The following HOMER1 variants were observed in gnomAD, a reference collection of about 807,000 sequenced individuals.
HOMER1 encodes the protein homer scaffold protein 1, also known as homer protein homolog 1.
Under a neutral mutation model 48.9 loss-of-function variants are expected in HOMER1, and 3 were observed. The observed-to-expected ratio is 0.06, with a 90% CI of 0.03 to 0.16. HOMER1 has a LOEUF of 0.16. Ranked by LOEUF, HOMER1 falls within the 10% of genes least tolerant of loss-of-function variation. HOMER1 has a pLI of 1.00. For synonymous variants in HOMER1, 134 were observed against 146.4 expected (o/e 0.92, Z 0.61); for missense variants, 247 against 411.4 (o/e 0.60, Z 3.46).
At chr5:79,411,128 C>T (rs907554389) in intron 5 of HOMER1, among the ~76,000 whole-genome samples, 1 of 152,148 alleles carries the variant, frequency 6.6e-6, no homozygotes, top group Non-Finnish European at 1.5e-5. Flanking sequence ...GAGTTCAAAA[C>T]ACTTCAAAAA....
At position 79,512,674 on chromosome 5, in the gene HOMER1, AGTTT is replaced by A. The variant is rs1199005616; in HGVS notation, c.5+92_5+95del. On this transcript the variant is annotated intron_variant, in intron 1 of 8. Coordinates refer to ENST00000334082, the MANE Select transcript of HOMER1 (RefSeq NM_004272.5). ...GTATGACCAGCTTAGCAAGGTGGCA[AGTTT>A]GTTTGAAAACACAAAACACAATCAC... 4 of 1,185,252 alleles carry A rather than the reference AGTTT, an allele frequency of 3.4e-6. No individual in the cohort carries two copies. In the African/African-American group the frequency reaches 4.6e-5, roughly 14 times the overall value. The allele number at this position is 1,185,252 out of a possible 1,614,324, so 73.4% of individuals were successfully genotyped here.
At position 79,463,859 on chromosome 5, in the gene HOMER1, T is replaced by A. The variant is rs114032121; in HGVS notation, c.6-6841A>T. ...AAGGTAAATGTGGAACTGGCAAAAA[T>A]TCACCACTAGTTGACTTTCTGCAAT... is the stretch of plus-strand genomic sequence containing the variant. On this transcript the variant is annotated intron_variant, in intron 1 of 8. Coordinates refer to ENST00000334082, the MANE Select transcript of HOMER1 (RefSeq NM_004272.5). Among the ~76,000 whole-genome samples, 595 of 152,228 alleles carry A rather than the reference T, an allele frequency of 3.9e-3. 3 individuals are homozygous for A. Among genetic ancestry groups the A allele is most frequent in the African/African-American group, 0.013 (551 of 41,540 alleles).
chr5:79,492,111 A>G (rs765329779), intron 1 of HOMER1, among the ~76,000 whole-genome samples: 1 of 152,212 alleles, frequency 6.6e-6, no homozygotes, highest in Admixed American at 6.5e-5. Context: ...AACAATATAG[A>G]GCTTGATAAT....
intron 1 of HOMER1, among the ~76,000 whole-genome samples, chr5:79,503,946 CA>C (rs1001598455): frequency 9.2e-5 from 14 of 152,124 alleles, no homozygotes; most frequent in African/African-American, 2.7e-4. Flanking sequence ...CTGTGTTGTT[CA>C]AGGGCATCTG....
chr5:79,512,401 T>C (rs1752967671), intron 1 of HOMER1, among the ~76,000 whole-genome samples: 1 of 152,316 alleles, frequency 6.6e-6, no homozygotes, highest in South Asian at 2.1e-4. Context: ...TATCTAAAAG[T>C]ACTGAGAGAA....
intron 1 of HOMER1, among the ~76,000 whole-genome samples, chr5:79,495,073 ATATT>A (rs2112364078): frequency 6.6e-6 from 1 of 152,238 alleles, no homozygotes; most frequent in African/African-American, 2.4e-5. Context: ...ATATCTATAT[ATATT>A]AACACAAAGA....
At chr5:79,510,248 T>C (rs1752901290) in intron 1 of HOMER1, among the ~76,000 whole-genome samples, 2 of 151,976 alleles carry the variant, frequency 1.3e-5, no homozygotes, top group Admixed American at 6.6e-5. Context: ...TCAGTCCATA[T>C]ATAGAACTTT....
At chr5:79,395,127 G>A (rs1217891062) in intron 8 of HOMER1, among the ~76,000 whole-genome samples, 1 of 152,140 alleles carries the variant, frequency 6.6e-6, no homozygotes, top group Non-Finnish European at 1.5e-5. Flanking sequence ...CCTTTGAACT[G>A]CTGTCTTCTC....
intron 1 of HOMER1, among the ~76,000 whole-genome samples, chr5:79,471,372 CCGTCT>C (rs2112325378): frequency 6.6e-6 from 1 of 151,876 alleles, no homozygotes; most frequent in African/African-American, 2.4e-5. Flanking sequence ...TGGTGAAACC[CCGTCT>C]CTACTAAAAA....
chr5:79,402,444 C>T (rs1328779423), intron 5 of HOMER1, among the ~76,000 whole-genome samples: 1 of 152,198 alleles, frequency 6.6e-6, no homozygotes, highest in African/African-American at 2.4e-5. Context: ...ACTGGGATTA[C>T]AGGCGTGAGC....
chr5:79,396,624 T>C, intron 8 of HOMER1, among the ~76,000 whole-genome samples, 199 bp downstream of exon 8: 1 of 152,166 alleles, frequency 6.6e-6, no homozygotes, highest in African/African-American at 2.4e-5. Flanking sequence ...TAAATGACCA[T>C]CTATGATAAT....
At chr5:79,392,107 T>C (rs983522856) in intron 8 of HOMER1, among the ~76,000 whole-genome samples, 20 of 152,200 alleles carry the variant, frequency 1.3e-4, no homozygotes, top group African/African-American at 4.8e-4. Flanking sequence ...TAGTACATAA[T>C]ACTTAATAAA....
At chr5:79,380,708 C>T (rs1259013259) in intron 8 of HOMER1, among the ~76,000 whole-genome samples, 2 of 152,144 alleles carry the variant, frequency 1.3e-5, no homozygotes, top group African/African-American at 4.8e-5. Flanking sequence ...CATGTCACAG[C>T]ATATAATCGG....
intron 8 of HOMER1, among the ~76,000 whole-genome samples, chr5:79,379,854 G>A (rs1748920695): frequency 6.6e-6 from 1 of 152,082 alleles, no homozygotes; most frequent in Non-Finnish European, 1.5e-5. Flanking sequence ...GGCAACTAGA[G>A]AGAGGCATTG....
intron 1 of HOMER1, among the ~76,000 whole-genome samples, chr5:79,500,962 A>T (rs1479021267): frequency 1.4e-5 from 1 of 70,754 alleles, no homozygotes; most frequent in African/African-American, 5.5e-5. Flanking sequence ...TGAGACAGAC[A>T]GACACACACA....
intron 5 of HOMER1, among the ~76,000 whole-genome samples, chr5:79,431,625 T>C (rs1158836040): frequency 1.3e-5 from 2 of 152,196 alleles, no homozygotes; most frequent in African/African-American, 4.8e-5. Context: ...TGTTATTTAG[T>C]ATTTGAATTA....
intron 1 of HOMER1, among the ~76,000 whole-genome samples, chr5:79,473,902 T>G (rs908920903): frequency 6.6e-6 from 1 of 152,112 alleles, no homozygotes; most frequent in Non-Finnish European, 1.5e-5. Context: ...ACCATAACAT[T>G]AAAAAAATTT....
At chr5:79,425,065 G>A (rs1265971543) in intron 5 of HOMER1, among the ~76,000 whole-genome samples, 1 of 151,878 alleles carries the variant, frequency 6.6e-6, no homozygotes, top group Non-Finnish European at 1.5e-5. Flanking sequence ...TGATGATTGG[G>A]TCTTTTTAAA....
At chr5:79,408,547 A>C (rs1236655408) in intron 5 of HOMER1, among the ~76,000 whole-genome samples, 1 of 152,194 alleles carries the variant, frequency 6.6e-6, no homozygotes, top group East Asian at 1.9e-4. Context: ...AATGGTGCTA[A>C]AACAATTGGA....
Sources: gnomAD v4.1 joint callset for allele counts (sites outside exome capture counted in the v4.1 genomes callset) on GRCh38, gnomAD v4.1.1 for gene constraint, MANE v1.5 for transcripts, NCBI Gene and HGNC (gene_info 2026-07-23, HGNC 2026-07-21) for gene names.